Variants in PSD3 observed in about 807,000 individuals in gnomAD.
PSD3 encodes PH and SEC7 domain-containing protein 3.
A neutral mutation model predicts 105.5 loss-of-function variants in PSD3; 49 were observed. That is an observed-to-expected ratio of 0.46 (90% CI 0.37 to 0.59). The LOEUF is 0.59. Ranked by LOEUF, PSD3 falls within the 20% of genes least tolerant of loss-of-function variation. PSD3 has a pLI of 0.00. For missense variants in PSD3, 1,561 were observed against 1,263.8 expected (o/e 1.24, Z -3.57); for synonymous variants, 557 against 457.8 (o/e 1.22, Z -2.77).
At chr8:18,665,073 C>G (rs62495771) in intron 9 of PSD3, among the ~76,000 whole-genome samples, 1 of 152,204 alleles carries the variant, frequency 6.6e-6, no homozygotes, top group African/African-American at 2.4e-5. Context: ...CCTGCTAACA[C>G]AACATCCATT....
At chr8:18,996,466 G>C (rs1359747293) in intron 1 of PSD3, among the ~76,000 whole-genome samples, 1 of 151,848 alleles carries the variant, frequency 6.6e-6, no homozygotes, top group Non-Finnish European at 1.5e-5. Flanking sequence ...ATTTTTGATG[G>C]AGATGGGAAG....
chr8:18,663,857 T>C (rs1490871961), intron 9 of PSD3, among the ~76,000 whole-genome samples: 1 of 152,222 alleles, frequency 6.6e-6, no homozygotes, highest in Non-Finnish European at 1.5e-5. Flanking sequence ...AGCAAATCTG[T>C]CAGTGACATT....
intron 2 of PSD3, among the ~76,000 whole-genome samples, chr8:18,908,353 T>C (rs1210393512): frequency 2.0e-5 from 3 of 152,182 alleles, no homozygotes; most frequent in African/African-American, 4.8e-5. Context: ...AATTTACTTC[T>C]CCATCTTAGT....
intron 8 of PSD3, among the ~76,000 whole-genome samples, chr8:18,772,655 C>G (rs892661134): frequency 6.6e-6 from 1 of 152,018 alleles, no homozygotes; most frequent in Non-Finnish European, 1.5e-5. Flanking sequence ...ATTACAGGTG[C>G]CCACCATCAT....
chr8:18,576,922 T>C (rs2130371496), intron 12 of PSD3, among the ~76,000 whole-genome samples: 1 of 152,110 alleles, frequency 6.6e-6, no homozygotes, highest in South Asian at 2.1e-4. Flanking sequence ...GTCCATGATT[T>C]AAGCTTTTAT....
rs79586111 is a variant in PSD3 at position 18,972,670 on chromosome 8, C to T, written c.22-36528G>A. ...GGAGCCCTCATCAATGGGATCAGTGCCTTCATAAAAATAGGCCAGAAAACT... is the reference window on the plus strand; with the variant it reads ...GGAGCCCTCATCAATGGGATCAGTGTCTTCATAAAAATAGGCCAGAAAACT... On this transcript the variant is annotated intron_variant, in intron 1 of 15. Coordinates refer to ENST00000327040, the MANE Select transcript of PSD3 (RefSeq NM_015310.4). 2.7e-3 allele frequency among the ~76,000 whole-genome samples: 417 copies of T among 152,240 alleles called. 13 individuals are homozygous for T. The East Asian group carries it at 0.074, about 27-fold the overall frequency.
At chr8:18,814,106 A>G (rs1007666953) in intron 4 of PSD3, among the ~76,000 whole-genome samples, 2 of 152,248 alleles carry the variant, frequency 1.3e-5, no homozygotes, top group African/African-American at 4.8e-5. Flanking sequence ...GCCTCTTATG[A>G]TTTAAGACTC....
intron 3 of PSD3, among the ~76,000 whole-genome samples, chr8:18,869,974 G>C (rs1817217081): frequency 6.6e-6 from 1 of 152,170 alleles, no homozygotes; most frequent in Admixed American, 6.5e-5. Context: ...GAAGAAAAGA[G>C]GAATGAATTA....
chr8:19,009,300 A>G (rs1826846076), intron 1 of PSD3, among the ~76,000 whole-genome samples: 1 of 152,262 alleles, frequency 6.6e-6, no homozygotes, highest in African/African-American at 2.4e-5. Flanking sequence ...TTAGAGCCAA[A>G]GAGCTCAGTT....
At chr8:18,766,421 A>G (rs1374615909) in intron 8 of PSD3, among the ~76,000 whole-genome samples, 1 of 152,228 alleles carries the variant, frequency 6.6e-6, no homozygotes, top group Non-Finnish European at 1.5e-5. Context: ...TGCTTTTAAA[A>G]TTCTCATTAA....
At position 18,688,398 on chromosome 8, in the gene PSD3, T is replaced by C. The variant is rs1490853156; in HGVS notation, c.2173-32713A>G. On this transcript the variant is annotated intron_variant, in intron 9 of 15. Transcript: ENST00000327040. ...GGGCGTGAGCCACTGTGCCTGGCCT[T>C]CTTAATATTTCTTGCTCTTTTAACC... Among the ~76,000 whole-genome samples the C allele has an allele frequency of 7.2e-5, 11 of 152,312 alleles. No individual in the cohort carries two copies. In the East Asian group the frequency reaches 1.5e-3, roughly 21 times the overall value.
intron 11 of PSD3, among the ~76,000 whole-genome samples, chr8:18,618,824 G>C (rs967693657): frequency 1.3e-5 from 2 of 152,102 alleles, no homozygotes; most frequent in Admixed American, 6.6e-5. Context: ...GGGTCTAGGG[G>C]CGTATGCTAC....
At position 18,727,728 on chromosome 8, in the gene PSD3, G is replaced by C. The variant is rs192287748; in HGVS notation, c.2172+37721C>G. ...TTTTACTTTCAGTGTCTGCATACCAGTTACAGACGAAAAGTCTCTTTTGCT... is the reference window on the plus strand; with the variant it reads ...TTTTACTTTCAGTGTCTGCATACCACTTACAGACGAAAAGTCTCTTTTGCT... On this transcript the variant is annotated intron_variant, in intron 9 of 15. Transcript: ENST00000327040. Among the ~76,000 whole-genome samples, 683 of 152,060 alleles carry C rather than the reference G, an allele frequency of 4.5e-3. 7 individuals are homozygous for C. The highest frequency in any genetic ancestry group is 0.015 in the African/African-American group (626 of 41,480).
At chr8:18,743,943 G>A (rs1327295810) in intron 9 of PSD3, among the ~76,000 whole-genome samples, 1 of 134,998 alleles carries the variant, frequency 7.4e-6, no homozygotes, top group Non-Finnish European at 1.6e-5. Context: ...CTGGGTGAAA[G>A]TGCAAACTCT....
chr8:18,688,616 C>A (rs1800794868), intron 9 of PSD3, among the ~76,000 whole-genome samples: 2 of 152,190 alleles, frequency 1.3e-5, no homozygotes, highest in Admixed American at 6.5e-5. Context: ...AACATTGAAA[C>A]AACATAGTTT....
intron 4 of PSD3, chr8:18,865,366 T>C (rs545607168): frequency 6.9e-6 from 1 of 144,936 alleles, no homozygotes; most frequent in Non-Finnish European, 1.5e-5. Flanking sequence ...TAACCCACAA[T>C]AGTAACACAA....
At chr8:18,632,314 G>C (rs185250992) in intron 11 of PSD3, among the ~76,000 whole-genome samples, 219 of 152,078 alleles carry the variant, frequency 1.4e-3, no homozygotes, top group African/African-American at 5.2e-3. Context: ...TGTATTTCTG[G>C]TGGCTGGCAC....
At chr8:18,627,778 C>T (rs1276274608) in intron 11 of PSD3, among the ~76,000 whole-genome samples, 1 of 149,728 alleles carries the variant, frequency 6.7e-6, no homozygotes, top group African/African-American at 2.5e-5. Flanking sequence ...ATGTCTGGCA[C>T]TCAAAAATTA....
At chr8:18,692,416 T>TAAGC (rs1311041913) in intron 9 of PSD3, among the ~76,000 whole-genome samples, 1 of 152,146 alleles carries the variant, frequency 6.6e-6, no homozygotes, top group East Asian at 1.9e-4. Flanking sequence ...AGTCTGGGAA[T>TAAGC]GCTTCCCTGA....
Sources: allele counts gnomAD v4.1 joint callset (sites outside exome capture counted in the v4.1 genomes callset), GRCh38; gene constraint gnomAD v4.1.1; transcripts MANE v1.5; gene names NCBI Gene and HGNC (gene_info 2026-07-23, HGNC 2026-07-21).